DNAJC9: variants seen among roughly 807,000 people sequenced by gnomAD.
DNAJC9 encodes the protein dnaJ homolog subfamily C member 9.
DNAJC9 carries 18 observed loss-of-function variants against 32.4 expected under a neutral mutation model. The observed-to-expected ratio is 0.56, with a 90% CI of 0.38 to 0.82. The LOEUF is 0.82. Ranked by LOEUF, DNAJC9 falls within the 40% of genes least tolerant of loss-of-function variation. The pLI is 0.00. For synonymous variants in DNAJC9, 113 were observed against 122.1 expected, an observed-to-expected ratio of 0.93 and a Z score of 0.49; for missense variants, 310 against 321.8, an observed-to-expected ratio of 0.96 and a Z score of 0.28.
intron 3 of DNAJC9, chr10:73,244,159 G>A (rs749606610): frequency 1.7e-5 from 9 of 532,428 alleles, no homozygotes; most frequent in Admixed American, 3.6e-5. Context: ...CTATTTGCTA[G>A]AGGTAGTAAG....
At chr10:73,234,724 C>A, downstream of DNAJC9, 2 of 1,358,918 alleles carry the variant, frequency 1.5e-6, no homozygotes, top group Non-Finnish European at 2.0e-6. Flanking sequence ...ACATTAAACT[C>A]ATCTGCTTCA....
chr10:73,240,458 A>G (rs2043916937), downstream of DNAJC9, among the ~76,000 whole-genome samples: 1 of 152,168 alleles, frequency 6.6e-6, no homozygotes, highest in East Asian at 1.9e-4. Context: ...CATGCCTGTA[A>G]TCCCAGCACT....
At chr10:73,244,645 C>T (rs61865819) in intron 3 of DNAJC9, 7 of 151,978 alleles carry the variant, frequency 4.6e-5, no homozygotes, top group Admixed American at 4.6e-4. Context: ...CCCCAGTAGT[C>T]AGAAGAACCA....
At chr10:73,239,466 T>G, downstream of DNAJC9, 1 of 978,168 alleles carries the variant, frequency 1.0e-6, no homozygotes, top group South Asian at 1.6e-5. Flanking sequence ...TACACCTATT[T>G]CCCCTTCTTT....
intron 1 of DNAJC9, 24 bp from the exon 2 acceptor site, chr10:73,246,852 A>G: frequency 1.9e-6 from 3 of 1,613,042 alleles, no homozygotes; most frequent in Non-Finnish European, 2.5e-6. Context: ...GTATCCGTAA[A>G]TCACCCCTGC....
chr10:73,236,991 G>C (rs2133413353), downstream of DNAJC9, among the ~76,000 whole-genome samples: 1 of 152,290 alleles, frequency 6.6e-6, no homozygotes, highest in African/African-American at 2.4e-5. Context: ...TGGGACTACA[G>C]GCATGAGCCA....
At chr10:73,235,013 T>C, downstream of DNAJC9, 3 of 1,516,890 alleles carry the variant, frequency 2.0e-6, no homozygotes, top group Non-Finnish European at 2.7e-6. Context: ...GCAGGATCTG[T>C]GCCCTGATCT....
chr10:73,240,614 A>C (rs1016685159), downstream of DNAJC9, among the ~76,000 whole-genome samples: 10 of 151,764 alleles, frequency 6.6e-5, no homozygotes, highest in African/African-American at 2.4e-4. Flanking sequence ...CGGGGGACTG[A>C]GGCAGGAGAA....
chr10:73,247,013 G>T lies in DNAJC9; in HGVS notation c.177C>A (p.Phe59Leu). ...EGDKEDATRRFQILGKVYSVL... is the reference protein window; with the variant it reads ...EGDKEDATRRLQILGKVYSVL... ...TTCGGGGCGGGACCCTGCATACCTG[G>T]AAGCGGCGGGTGGCGTCCTCCTTGT... Residue 59 changes from phenylalanine to leucine, a missense_variant, in exon 1 of 5, where the codon TTC becomes TTA. Physicochemically the swap from Phe to Leu is conservative, Grantham distance 22 (BLOSUM62 0). Transcript: ENST00000372950. The T allele has an allele frequency of 6.6e-7, 1 of 1,524,534 alleles. No homozygotes were observed. Among genetic ancestry groups the T allele is most frequent in the Non-Finnish European group, 8.8e-7 (1 of 1,132,738 alleles). 94.4% of individuals were successfully genotyped at this position (1,524,534 alleles called of 1,614,324 possible).
chr10:73,243,399 A>G lies in DNAJC9; in HGVS notation c.*1T>C, dbSNP rs753892156. ...AAGGACCTTTGAAGAGAAAAATTCC[A>G]TTATTTCTTTTCTTTCTTGAGAGCA... On this transcript the variant is annotated 3_prime_UTR_variant, in exon 5 of 5. Coordinates refer to ENST00000372950, the MANE Select transcript of DNAJC9 (RefSeq NM_015190.5). 7.4e-6 allele frequency: 12 copies of G among 1,613,614 alleles called. No individual in the cohort carries two copies. The highest frequency in any genetic ancestry group is 1.0e-5 in the Non-Finnish European group (12 of 1,179,876).
At chr10:73,244,097 C>G (rs949481059) in intron 3 of DNAJC9, 168 bp from the exon 4 acceptor site, 16 of 601,994 alleles carry the variant, frequency 2.7e-5, no homozygotes, top group Admixed American at 2.3e-4. Context: ...ACAATGCTGA[C>G]AGCAAGCAGT....
chr10:73,234,705 TTTCTGTGC>T, downstream of DNAJC9: 1 of 1,171,642 alleles, frequency 8.5e-7, no homozygotes, highest in Non-Finnish European at 1.2e-6. Context: ...AGCCTAAAGC[TTTCTGTGC>T]ACATTAAACT....
chr10:73,239,502 C>A, downstream of DNAJC9: 1 of 723,270 alleles, frequency 1.4e-6, no homozygotes, highest in Non-Finnish European at 2.2e-6. Flanking sequence ...TTAATGTTTT[C>A]CCACATCTTT....
chr10:73,235,249 T>C (rs993602320), downstream of DNAJC9: 8 of 1,551,688 alleles, frequency 5.2e-6, no homozygotes, highest in Admixed American at 1.4e-4. Flanking sequence ...AACCTAACTA[T>C]CAGCAGCCAC....
downstream of DNAJC9, chr10:73,240,941 G>A (rs749224780): frequency 1.5e-5 from 22 of 1,515,992 alleles, no homozygotes; most frequent in South Asian, 1.8e-4. Flanking sequence ...TATGTCATCT[G>A]ACAGGTCCTC....
downstream of DNAJC9, chr10:73,235,483 A>G: frequency 1.4e-6 from 2 of 1,419,160 alleles, no homozygotes; most frequent in Non-Finnish European, 1.8e-6. Flanking sequence ...TCAAATTCTA[A>G]CTAGTCCCTG....
chr10:73,233,834 G>T (rs2043763732), downstream of DNAJC9, among the ~76,000 whole-genome samples: 1 of 152,174 alleles, frequency 6.6e-6, no homozygotes, highest in Non-Finnish European at 1.5e-5. Flanking sequence ...CAAAATAATA[G>T]TTAATTCCCC....
At position 73,247,134 on chromosome 10, in the gene DNAJC9, A is replaced by G. The variant is rs1357071933; in HGVS notation, c.56T>C (p.Val19Ala). 7 of 1,595,962 alleles carry G rather than the reference A, an allele frequency of 4.4e-6. No homozygotes were observed. The highest frequency in any genetic ancestry group is 2.7e-5 in the African/African-American group (2 of 74,322). ...GGAGGCCTCGCGTCGCACGCCCAGC[A>G]CCCGGTAAAGGTCGGCGGTGCCGAA... is the stretch of plus-strand genomic sequence containing the variant. Reference protein sequence around the residue: ...EVFGTADLYRVLGVRREASDG... With the variant: ...EVFGTADLYRALGVRREASDG... The change falls in exon 1 of 5, where the codon GTG becomes GCG. Residue 19 changes from valine (V) to alanine (A), a missense_variant. By Grantham distance (64) the Val-to-Ala change is moderately conservative. Transcript: ENST00000372950.
downstream of DNAJC9, among the ~76,000 whole-genome samples, chr10:73,240,339 T>C (rs988949930): frequency 1.3e-5 from 2 of 152,226 alleles, no homozygotes; most frequent in African/African-American, 4.8e-5. Context: ...CCCGCAGCAT[T>C]GTCTGGTAGT....
Sources: gnomAD v4.1 joint callset for allele counts (sites outside exome capture counted in the v4.1 genomes callset) on GRCh38, gnomAD v4.1.1 for gene constraint, MANE v1.5 for transcripts, NCBI Gene and HGNC (gene_info 2026-07-23, HGNC 2026-07-21) for gene names.